The following CDH26 variants were observed in gnomAD, a reference collection of about 807,000 sequenced individuals.
CDH26 encodes cadherin 26, also known as cadherin-like protein 26.
In CDH26, 83 loss-of-function variants were observed where a neutral mutation model predicts 90.3. The ratio of observed to expected loss-of-function variants is 0.92; its 90% CI spans 0.77 to 1.10. CDH26 has a LOEUF of 1.10. CDH26 is among the 50% of genes least tolerant of loss of function. The probability of loss-of-function intolerance (pLI) is 0.00; values close to 1 mark genes in which losing one functional copy is unlikely to be tolerated. For synonymous variants in CDH26, 397 were observed against 396.3 expected (o/e 1.00, Z -0.02); for missense variants, 1,013 against 1,037.6 (o/e 0.98, Z 0.33).
intron 3 of CDH26, among the ~76,000 whole-genome samples, chr20:59,970,407 G>A (rs1188781724): frequency 6.6e-6 from 1 of 151,956 alleles, no homozygotes; most frequent in African/African-American, 2.4e-5. Flanking sequence ...CTCCATGTGA[G>A]TGTCTGATGA....
At position 60,001,422 on chromosome 20, in the gene CDH26, G is replaced by T. The variant is rs1446597234; in HGVS notation, c.2166+11G>T. ...GCTCTGGGGAGCTGGGTGAGTTCCA[G>T]AAGGTTGCTCCCTGCTACGGCCATC... On this transcript the variant is annotated intron_variant, in intron 15 of 17. Coordinates refer to ENST00000348616, the MANE Select transcript of CDH26 (RefSeq NM_177980.4). 4.3e-6 allele frequency: 7 copies of T among 1,613,292 alleles called. No individual in the cohort carries two copies. The highest frequency in any genetic ancestry group is 1.3e-5 in the African/African-American group (1 of 74,912).
chr20:60,033,339 A>G (rs1243485145), intron 8 of CDH26: 1 of 1,123,056 alleles, frequency 8.9e-7, no homozygotes, highest in African/African-American at 1.6e-5. Flanking sequence ...GTTATTGTTT[A>G]ACCTCCTTCG....
chr20:60,009,844 G>A (rs111969867), intron 17 of CDH26, among the ~76,000 whole-genome samples: 2 of 151,978 alleles, frequency 1.3e-5, no homozygotes, highest in Non-Finnish European at 2.9e-5. Context: ...CAGGTCTGTC[G>A]CTAATTATCT....
intron 4 of CDH26, among the ~76,000 whole-genome samples, chr20:59,976,570 G>T (rs554609412): frequency 6.6e-6 from 1 of 152,360 alleles, no homozygotes; most frequent in Admixed American, 6.5e-5. Flanking sequence ...GCAAAGAGTT[G>T]CCAGCACAGT....
intron 7 of CDH26, among the ~76,000 whole-genome samples, chr20:60,024,320 C>T (rs2061980540): frequency 6.6e-6 from 1 of 152,190 alleles, no homozygotes; most frequent in African/African-American, 2.4e-5. Context: ...TCTGAGAACA[C>T]AAGGCCATGG....
intron 15 of CDH26, among the ~76,000 whole-genome samples, chr20:60,002,123 A>G (rs2146006987): frequency 6.6e-6 from 1 of 152,228 alleles, no homozygotes; most frequent in Non-Finnish European, 1.5e-5. Flanking sequence ...CTAAAGAGCC[A>G]TAGAATCATA....
exon 9 of CDH26, chr20:60,033,717 GTGAGGGCCT>G: frequency 7.9e-7 from 1 of 1,272,604 alleles, no homozygotes; most frequent in Non-Finnish European, 1.0e-6. Context: ...GCTGTTGGCG[GTGAGGGCCT>G]TGGAAATGGC....
At chr20:60,001,508 CT>C in intron 15 of CDH26, 97 bp downstream of exon 15, 1 of 1,511,102 alleles carries the variant, frequency 6.6e-7, no homozygotes, top group Non-Finnish European at 8.8e-7. Flanking sequence ...TTCGGTGATA[CT>C]GTCAGAAAAA....
intron 8 of CDH26, 57 bp downstream of exon 8, chr20:59,987,695 T>TGTA: frequency 6.9e-7 from 1 of 1,451,236 alleles, no homozygotes. Context: ...AGGCCTCTTC[T>TGTA]GTAGGATCAC....
downstream of CDH26, among the ~76,000 whole-genome samples, chr20:60,015,571 G>T (rs545258201): frequency 1.3e-5 from 2 of 151,964 alleles, no homozygotes; most frequent in Non-Finnish European, 2.9e-5. Flanking sequence ...CTCCCATTTT[G>T]TACGTTAACT....
intron 11 of CDH26, among the ~76,000 whole-genome samples, chr20:59,995,396 G>A (rs1362017920): frequency 2.0e-5 from 3 of 152,178 alleles, no homozygotes; most frequent in African/African-American, 7.2e-5. Context: ...ACTGGAGCCT[G>A]AGGCTCAGGT....
In CDH26 at chr20:59,970,158, C is replaced by T. The variant is rs2061238065; in HGVS notation, c.203C>T (p.Pro68Leu). The stretch of plus-strand genomic sequence containing the variant: ...ACCTTGGAGCTGGAGGAGGAAGACC[C>T]GGGACCCTTTCCCAAACTCATTGGT... ...ITTLELEEED[P>L]GPFPKLIGEL... The change falls in exon 3 of 18, where the codon CCG (proline) becomes CTG (leucine). Residue 68 changes from proline (P) to leucine (L), a missense_variant. By Grantham distance (98) the Pro-to-Leu change is moderately conservative. Transcript: ENST00000348616. 8 of 1,613,852 alleles carry T rather than the reference C, an allele frequency of 5.0e-6. No individual in the cohort carries two copies. Among genetic ancestry groups the T allele is most frequent in the Non-Finnish European group, 6.8e-6 (8 of 1,179,932 alleles).
chr20:59,969,488 G>T (rs115607599), intron 2 of CDH26, among the ~76,000 whole-genome samples: 1,529 of 152,156 alleles, frequency 0.01, 26 homozygotes, highest in African/African-American at 0.035. Context: ...AATTAATGTG[G>T]CTAGAAACCA....
intron 9 of CDH26, among the ~76,000 whole-genome samples, chr20:59,989,701 C>T (rs2061505445): frequency 6.6e-6 from 1 of 152,200 alleles, no homozygotes; most frequent in Non-Finnish European, 1.5e-5. Flanking sequence ...GAAGAACTCA[C>T]TTGTTGGTTT....
chr20:59,963,671 A>G (rs1442499128), intron 1 of CDH26, among the ~76,000 whole-genome samples: 1 of 152,114 alleles, frequency 6.6e-6, no homozygotes, highest in Non-Finnish European at 1.5e-5. Flanking sequence ...ACTGGCCAGG[A>G]CAGCAGGGAC....
chr20:59,960,999 G>C (rs1180412678), intron 1 of CDH26, among the ~76,000 whole-genome samples: 1 of 152,208 alleles, frequency 6.6e-6, no homozygotes, highest in Non-Finnish European at 1.5e-5. Flanking sequence ...AACTTGTTTG[G>C]TACCAGTTGC....
chr20:59,967,894 TTC>T (rs2061184049), intron 1 of CDH26, among the ~76,000 whole-genome samples: 2 of 124,838 alleles, frequency 1.6e-5, no homozygotes, highest in African/African-American at 7.7e-5. Context: ...CCTTCCTTCC[TTC>T]CTTCCTTCCT....
At chr20:60,032,431 C>T (rs372022995) in intron 8 of CDH26, among the ~76,000 whole-genome samples, 19 of 152,226 alleles carry the variant, frequency 1.2e-4, no homozygotes, top group Admixed American at 4.6e-4. Context: ...CAATGTAAGG[C>T]GGATTTCTAC....
chr20:59,996,507 A>C, intron 12 of CDH26, 124 bp from the exon 13 acceptor site: 1 of 1,613,346 alleles, frequency 6.2e-7, no homozygotes, highest in African/African-American at 1.3e-5. Flanking sequence ...TACACAGATG[A>C]CTAAGACGCA....
Sources: gnomAD v4.1 joint callset for allele counts (sites outside exome capture counted in the v4.1 genomes callset) on GRCh38, gnomAD v4.1.1 for gene constraint, MANE v1.5 for transcripts, NCBI Gene and HGNC (gene_info 2026-07-23, HGNC 2026-07-21) for gene names.